Variants in CPQ observed in about 807,000 individuals in gnomAD.
CPQ encodes Ser-Met dipeptidase.
Under a neutral mutation model 45.7 loss-of-function variants are expected in CPQ, and 37 were observed. The observed-to-expected ratio is 0.81, with a 90% CI of 0.62 to 1.07. The LOEUF is 1.07. Among genes scored for constraint, CPQ ranks in the 50% least tolerant of loss-of-function variants. The probability of loss-of-function intolerance (pLI) is 0.00; values close to 1 mark genes in which losing one functional copy is unlikely to be tolerated. For synonymous variants in CPQ, 186 were observed against 205.8 expected, an observed-to-expected ratio of 0.90 and a Z score of 0.82; for missense variants, 537 against 572.9, an observed-to-expected ratio of 0.94 and a Z score of 0.64.
At chr8:96,760,576 A>G (rs182957911) in intron 1 of CPQ, among the ~76,000 whole-genome samples, 3 of 152,266 alleles carry the variant, frequency 2.0e-5, no homozygotes, top group Admixed American at 2.0e-4. Flanking sequence ...GATTATAAGG[A>G]ACAGAGATGA....
intron 7 of CPQ, among the ~76,000 whole-genome samples, chr8:97,074,998 G>C (rs577597507): frequency 7.2e-5 from 11 of 152,076 alleles, no homozygotes; most frequent in Admixed American, 6.6e-4. Context: ...ATACCGGAAC[G>C]CTTTACAAGG....
rs138975235 is a variant in CPQ, at chr8:96,926,588, T to C, written c.850-39347T>C. 1.0e-3 allele frequency among the ~76,000 whole-genome samples: 120 copies of C among 119,526 alleles called. 2 individuals carry two copies. The Middle Eastern group carries it at 0.012, about 12-fold the overall frequency. The allele number at this position is 119,526 out of a possible 152,430, so 78.4% of individuals were successfully genotyped here. A position where few individuals can be genotyped will look rare whatever the true frequency, so the allele number is the denominator to read the frequency against. On this transcript the variant is annotated intron_variant, in intron 4 of 7. Coordinates refer to ENST00000220763, the MANE Select transcript of CPQ (RefSeq NM_016134.4). ...CCTCTTCCTCTTCCTCTTCTTCTTC[T>C]TCTTCTTCTTCTTCTTCTTCTTCTT... is the stretch of plus-strand genomic sequence containing the variant.
At chr8:97,091,383 C>T (rs939135516) in intron 7 of CPQ, among the ~76,000 whole-genome samples, 2 of 152,106 alleles carry the variant, frequency 1.3e-5, no homozygotes, top group African/African-American at 4.8e-5. Flanking sequence ...CACAGAGTGA[C>T]CTTGTCTGTT....
At chr8:96,741,623 T>G (rs1810093466) in intron 1 of CPQ, among the ~76,000 whole-genome samples, 1 of 152,324 alleles carries the variant, frequency 6.6e-6, no homozygotes, top group South Asian at 2.1e-4. Flanking sequence ...GTGCTATAAA[T>G]TTCCCTCTAC....
intron 6 of CPQ, among the ~76,000 whole-genome samples, chr8:97,029,841 C>T (rs1001430843): frequency 1.3e-5 from 2 of 152,172 alleles, no homozygotes; most frequent in African/African-American, 4.8e-5. Context: ...GAGCCTATCC[C>T]CATACCTCAA....
Position 96,848,418 on chromosome 8 carries a change from G to A in CPQ, c.641+13238G>A, listed in dbSNP as rs151197942. On this transcript the variant is annotated intron_variant, in intron 3 of 7. Transcript: ENST00000220763. ...AAGAGAGCCACCAAATACTACAAACGTGACACAATTCAGAAAAATATCTTG... is the reference window on the plus strand; with the variant it reads ...AAGAGAGCCACCAAATACTACAAACATGACACAATTCAGAAAAATATCTTG... Among the ~76,000 whole-genome samples the A allele has an allele frequency of 1.5e-3, 235 of 152,250 alleles. 2 individuals carry two copies. The highest frequency in any genetic ancestry group is 4.1e-3 in the African/African-American group (172 of 41,548).
intron 3 of CPQ, among the ~76,000 whole-genome samples, chr8:96,857,873 T>A (rs551841064): frequency 1.3e-5 from 2 of 152,214 alleles, no homozygotes; most frequent in African/African-American, 4.8e-5. Flanking sequence ...AGCATCATGC[T>A]AAGCAGGCAG....
intron 1 of CPQ, among the ~76,000 whole-genome samples, chr8:96,756,776 T>G (rs1019013572): frequency 6.6e-6 from 1 of 152,222 alleles, no homozygotes; most frequent in Admixed American, 6.5e-5. Flanking sequence ...TGTTTAATGC[T>G]TTAGTAAGTA....
intron 1 of CPQ, among the ~76,000 whole-genome samples, chr8:96,780,764 C>G (rs2130805626): frequency 6.7e-6 from 1 of 148,470 alleles, no homozygotes. Flanking sequence ...GGCTGGTCTT[C>G]CTGCCTCAGT....
intron 1 of CPQ, among the ~76,000 whole-genome samples, chr8:96,784,408 G>T (rs937813226): frequency 6.0e-5 from 9 of 151,070 alleles, no homozygotes; most frequent in Admixed American, 2.0e-4. Flanking sequence ...GTGGGGGGGG[G>T]GTTGGTAAAA....
At chr8:96,645,540 A>T (rs942375709) in intron 1 of CPQ, 138 bp downstream of exon 1, 2 of 152,600 alleles carry the variant, frequency 1.3e-5, no homozygotes, top group Non-Finnish European at 2.9e-5. Context: ...AGCATCGCTC[A>T]TTCGGGGGCG....
At chr8:96,823,759 A>C (rs1369886505) in intron 2 of CPQ, among the ~76,000 whole-genome samples, 1 of 152,046 alleles carries the variant, frequency 6.6e-6, no homozygotes, top group African/African-American at 2.4e-5. Context: ...TGTCGAGAGA[A>C]TCCACTGAGT....
chr8:96,937,958 G>T (rs914298382), intron 4 of CPQ, among the ~76,000 whole-genome samples: 29 of 152,182 alleles, frequency 1.9e-4, no homozygotes, highest in Admixed American at 1.9e-3. Context: ...CCCAGATTGT[G>T]CATTGTTAAA....
intron 2 of CPQ, among the ~76,000 whole-genome samples, chr8:96,818,816 G>A (rs1011875580): frequency 7.2e-5 from 11 of 152,100 alleles, no homozygotes; most frequent in Non-Finnish European, 1.6e-4. Flanking sequence ...CAGAGATGCT[G>A]TCCTTTAACT....
intron 5 of CPQ, among the ~76,000 whole-genome samples, chr8:97,008,189 C>T (rs1809420900): frequency 6.6e-6 from 1 of 151,896 alleles, no homozygotes; most frequent in South Asian, 2.1e-4. Context: ...AATTTAAAGA[C>T]AGAATTATTT....
At chr8:97,012,159 G>A (rs1283597187) in intron 5 of CPQ, among the ~76,000 whole-genome samples, 1 of 152,166 alleles carries the variant, frequency 6.6e-6, no homozygotes, top group Non-Finnish European at 1.5e-5. Context: ...GGAATAGTTG[G>A]TGAATGGATG....
At chr8:96,931,349 T>C (rs986067842) in intron 4 of CPQ, among the ~76,000 whole-genome samples, 2 of 152,204 alleles carry the variant, frequency 1.3e-5, no homozygotes, top group African/African-American at 4.8e-5. Context: ...TGGCAAAAAA[T>C]GAAGTTTTGG....
rs1033805557 is a variant in CPQ at position 96,949,263 on chromosome 8, T to C, written c.850-16672T>C. On this transcript the variant is annotated intron_variant, in intron 4 of 7. Transcript: ENST00000220763. ...CTCGTTTATGTTTTCTTGATTTTTTTTTTTTGTATTCATATGCTTTAATTC... is the reference window on the plus strand; with the variant it reads ...CTCGTTTATGTTTTCTTGATTTTTTCTTTTTGTATTCATATGCTTTAATTC... 5.3e-4 allele frequency among the ~76,000 whole-genome samples: 81 copies of C among 152,222 alleles called. 1 individual carries two copies. Among genetic ancestry groups the C allele is most frequent in the African/African-American group, 1.9e-3 (81 of 41,570 alleles).
chr8:96,983,207 A>G (rs1332887601), intron 5 of CPQ, among the ~76,000 whole-genome samples: 4 of 152,150 alleles, frequency 2.6e-5, no homozygotes, highest in Non-Finnish European at 5.9e-5. Flanking sequence ...ATTTTCTTCC[A>G]TATTCAGGTT....
Sources: allele counts gnomAD v4.1 joint callset (sites outside exome capture counted in the v4.1 genomes callset), GRCh38; gene constraint gnomAD v4.1.1; transcripts MANE v1.5; gene names NCBI Gene and HGNC (gene_info 2026-07-23, HGNC 2026-07-21).